The following FHIT variants were observed in gnomAD, a reference collection of about 807,000 sequenced individuals.
FHIT encodes the protein fragile histidine triad diadenosine triphosphatase.
Under a neutral mutation model 17.9 loss-of-function variants are expected in FHIT, and 19 were observed. The ratio of observed to expected loss-of-function variants is 1.06; its 90% CI spans 0.74 to 1.56. The LOEUF (loss-of-function observed/expected upper bound fraction) is 1.56. Among genes scored for constraint, FHIT ranks in the 40% most tolerant of loss-of-function variants. The pLI, the probability that FHIT is intolerant of heterozygous loss-of-function variation, is 0.00. For missense variants in FHIT, 248 were observed against 189.2 expected, an observed-to-expected ratio of 1.31 and a Z score of -1.82; for synonymous variants, 81 against 69.7, an observed-to-expected ratio of 1.16 and a Z score of -0.81.
chr3:60,608,313 C>T (rs1231403786), intron 4 of FHIT, among the ~76,000 whole-genome samples: 1 of 151,960 alleles, frequency 6.6e-6, no homozygotes, highest in Admixed American at 6.5e-5. Flanking sequence ...TAAACACAAA[C>T]ACTCTCATTC....
intron 8 of FHIT, among the ~76,000 whole-genome samples, chr3:59,835,932 A>G (rs895623406): frequency 2.6e-5 from 4 of 152,194 alleles, no homozygotes; most frequent in Non-Finnish European, 4.4e-5. Flanking sequence ...GAGTAAATCA[A>G]GGGGACACAA....
At chr3:60,253,191 A>C (rs2107595889) in intron 5 of FHIT, among the ~76,000 whole-genome samples, 1 of 152,280 alleles carries the variant, frequency 6.6e-6, no homozygotes, top group South Asian at 2.1e-4. Flanking sequence ...CCTACTGCCA[A>C]AAAAGGCTCA....
At chr3:61,100,089 C>G (rs556566126) in intron 2 of FHIT, among the ~76,000 whole-genome samples, 1 of 151,834 alleles carries the variant, frequency 6.6e-6, no homozygotes, top group Non-Finnish European at 1.5e-5. Context: ...ATTTTAAGTT[C>G]TAGGGTACAT....
intron 5 of FHIT, among the ~76,000 whole-genome samples, chr3:60,467,881 A>T (rs1303864850): frequency 6.6e-6 from 1 of 152,206 alleles, no homozygotes; most frequent in African/African-American, 2.4e-5. Context: ...TGTCTGGATG[A>T]TATTTCCAAT....
chr3:59,983,382 C>G lies in FHIT; in HGVS notation c.279+27989G>C, dbSNP rs1708740919. On this transcript the variant is annotated intron_variant, in intron 7 of 9. Transcript: ENST00000492590. ...TCTATGGTTTCAAGTTGCCTACAATCAACTATGGCCTGAAAATAAGTGACT... is the reference window on the plus strand; with the variant it reads ...TCTATGGTTTCAAGTTGCCTACAATGAACTATGGCCTGAAAATAAGTGACT... Among the ~76,000 whole-genome samples, 3 of 152,074 alleles carry G rather than the reference C, an allele frequency of 2.0e-5. No homozygotes were observed. The South Asian group carries it at 6.2e-4, about 32-fold the overall frequency.
At chr3:60,215,293 C>A (rs986179584) in intron 5 of FHIT, among the ~76,000 whole-genome samples, 6 of 152,130 alleles carry the variant, frequency 3.9e-5, no homozygotes, top group Non-Finnish European at 5.9e-5. Flanking sequence ...ACTTCGAGAC[C>A]AGCCTGGCCA....
chr3:60,004,305 C>A (rs17320834), intron 7 of FHIT, among the ~76,000 whole-genome samples: 14,660 of 152,044 alleles, frequency 0.096, 855 homozygotes, highest in Admixed American at 0.13. Flanking sequence ...CACGTGTCGG[C>A]ATTACAAATA....
At chr3:61,105,877 T>C (rs966552158) in intron 2 of FHIT, among the ~76,000 whole-genome samples, 1 of 152,246 alleles carries the variant, frequency 6.6e-6, no homozygotes, top group African/African-American at 2.4e-5. Context: ...CTCCAGCAAC[T>C]GTTGCATTTT....
chr3:60,563,594 C>A (rs534867792), intron 4 of FHIT, among the ~76,000 whole-genome samples: 87 of 152,314 alleles, frequency 5.7e-4, no homozygotes, highest in African/African-American at 2.1e-3. Context: ...AAAAGTGCTA[C>A]TCCAGTGAAC....
At chr3:60,241,936 A>G (rs540044879) in intron 5 of FHIT, among the ~76,000 whole-genome samples, 3 of 152,090 alleles carry the variant, frequency 2.0e-5, no homozygotes, top group Admixed American at 6.6e-5. Flanking sequence ...AAGGATTTTA[A>G]TATGTTCTTT....
At chr3:60,157,954 T>C (rs555011483) in intron 5 of FHIT, among the ~76,000 whole-genome samples, 2 of 152,304 alleles carry the variant, frequency 1.3e-5, no homozygotes, top group South Asian at 4.1e-4. Flanking sequence ...TAGCAATTGG[T>C]GCTCTTTGCT....
At chr3:60,747,309 G>C (rs2042378986) in intron 4 of FHIT, among the ~76,000 whole-genome samples, 1 of 152,066 alleles carries the variant, frequency 6.6e-6, no homozygotes, top group East Asian at 1.9e-4. Flanking sequence ...TCTGAGCTGA[G>C]TCAGGTATCC....
chr3:60,977,667 T>C (rs760445306), intron 3 of FHIT, among the ~76,000 whole-genome samples: 2 of 151,652 alleles, frequency 1.3e-5, no homozygotes, highest in Admixed American at 6.6e-5. Flanking sequence ...AGGTCGGGAG[T>C]TCGAGACCAG....
intron 5 of FHIT, among the ~76,000 whole-genome samples, chr3:60,134,468 C>T (rs1295364092): frequency 3.3e-5 from 5 of 152,160 alleles, no homozygotes; most frequent in East Asian, 1.9e-4. Context: ...AGTTTCTGGG[C>T]GTGGGGCCCA....
chr3:60,272,981 C>T (rs1263937267), intron 5 of FHIT, among the ~76,000 whole-genome samples: 6 of 152,316 alleles, frequency 3.9e-5, no homozygotes, highest in Admixed American at 1.3e-4. Context: ...CAAATCAATT[C>T]GCCTAGGTAG....
At position 60,876,016 on chromosome 3, in the gene FHIT, A is replaced by G. The variant is rs140918942; in HGVS notation, c.-110-54005T>C. 2.0e-5 allele frequency among the ~76,000 whole-genome samples: 3 copies of G among 151,572 alleles called. No homozygotes were observed. In the East Asian group the frequency reaches 5.9e-4, roughly 30 times the overall value. Reference sequence around the variant, plus strand: ...ATATCTATTTCCCAGGCCTCAATGCAATCAGAGATCTCTGAAGAAGTGACC... The same window carrying G: ...ATATCTATTTCCCAGGCCTCAATGCGATCAGAGATCTCTGAAGAAGTGACC... On this transcript the variant is annotated intron_variant, in intron 3 of 9. Transcript: ENST00000492590.
chr3:61,247,001 T>A, intron 1 of FHIT, among the ~76,000 whole-genome samples: 2 of 151,486 alleles, frequency 1.3e-5, no homozygotes. Context: ...AATCCCAACA[T>A]CCCCTCCCTC....
At chr3:60,573,897 C>T (rs564021683) in intron 4 of FHIT, among the ~76,000 whole-genome samples, 10 of 152,122 alleles carry the variant, frequency 6.6e-5, no homozygotes, top group African/African-American at 2.4e-4. Context: ...ATAACCTCTG[C>T]CTCCCAGGTT....
rs147826527 is a variant in FHIT at position 60,311,794 on chromosome 3, C to A, written c.103+225066G>T. 5.3e-5 allele frequency among the ~76,000 whole-genome samples: 8 copies of A among 152,242 alleles called. No homozygotes were observed. In the East Asian group the frequency reaches 1.5e-3, roughly 29 times the overall value. ...ACACATACAACAACCAATAAACATG[C>A]CCTTTTCTTAAACATGGTCGGGGTG... On this transcript the variant is annotated intron_variant, in intron 5 of 9. Transcript: ENST00000492590.
Sources: gnomAD v4.1 joint callset for allele counts (sites outside exome capture counted in the v4.1 genomes callset) on GRCh38, gnomAD v4.1.1 for gene constraint, MANE v1.5 for transcripts, NCBI Gene and HGNC (gene_info 2026-07-23, HGNC 2026-07-21) for gene names.